The following ELAVL2 variants were observed in gnomAD, a reference collection of about 807,000 sequenced individuals.
ELAVL2 encodes ELAV-like protein 2.
A neutral mutation model predicts 34.6 loss-of-function variants in ELAVL2; 4 were observed. The ratio of observed to expected loss-of-function variants is 0.12; its 90% confidence interval spans 0.06 to 0.26. ELAVL2 has a LOEUF of 0.26. ELAVL2 is among the 10% of genes least tolerant of loss of function. The pLI, the probability that ELAVL2 is intolerant of heterozygous loss-of-function variation, is 1.00. For synonymous variants in ELAVL2, 193 were observed against 154.8 expected (o/e 1.25, Z -1.83); for missense variants, 432 against 442.8 (o/e 0.98, Z 0.22).
intron 1 of ELAVL2, among the ~76,000 whole-genome samples, chr9:23,768,073 T>G (rs1248554499): frequency 6.6e-6 from 1 of 152,164 alleles, no homozygotes; most frequent in Non-Finnish European, 1.5e-5. Context: ...CTCCTCATCC[T>G]AATCTACCTT....
chr9:23,815,028 C>T (rs1405060181), intron 1 of ELAVL2, among the ~76,000 whole-genome samples: 1 of 152,048 alleles, frequency 6.6e-6, no homozygotes, highest in Non-Finnish European at 1.5e-5. Context: ...GACAGGGCAT[C>T]CATCAATGAT....
At chr9:23,707,350 G>T (rs2039649942) in intron 3 of ELAVL2, among the ~76,000 whole-genome samples, 2 of 152,206 alleles carry the variant, frequency 1.3e-5, no homozygotes, top group Non-Finnish European at 2.9e-5. Context: ...AACCTCACCA[G>T]CTGGGACGTG....
intron 1 of ELAVL2, among the ~76,000 whole-genome samples, chr9:23,824,197 A>T (rs1446303244): frequency 6.6e-6 from 1 of 152,188 alleles, no homozygotes; most frequent in Non-Finnish European, 1.5e-5. Flanking sequence ...GCTAACCGGT[A>T]CTTGAAAATG....
chr9:23,695,691 G>A (rs1317586770), intron 5 of ELAVL2, among the ~76,000 whole-genome samples: 4 of 152,012 alleles, frequency 2.6e-5, no homozygotes, highest in Non-Finnish European at 4.4e-5. Flanking sequence ...GAATACTGTA[G>A]GTAATTCTAA....
chr9:23,699,748 C>CA (rs1200070462), intron 5 of ELAVL2, among the ~76,000 whole-genome samples: 1 of 148,748 alleles, frequency 6.7e-6, no homozygotes, highest in Non-Finnish European at 1.5e-5. Flanking sequence ...AAGCATCAGG[C>CA]AGCCCCACGC....
the ELAVL2 span, among the ~76,000 whole-genome samples, chr9:23,832,968 C>A: frequency 1.3e-5 from 2 of 151,930 alleles, no homozygotes; most frequent in Admixed American, 6.6e-5. Flanking sequence ...GGTTAGTAAG[C>A]AAATAAATAT....
intron 6 of ELAVL2, 80 bp downstream of exon 6, chr9:23,693,368 G>T: frequency 6.5e-7 from 1 of 1,540,790 alleles, no homozygotes; most frequent in Non-Finnish European, 8.9e-7. Flanking sequence ...CTTATGAGGG[G>T]TGTGAATAGC....
chr9:23,720,458 T>G (rs1468926980), intron 3 of ELAVL2, among the ~76,000 whole-genome samples: 2 of 152,146 alleles, frequency 1.3e-5, no homozygotes, highest in Admixed American at 1.3e-4. Flanking sequence ...TGAACCACTG[T>G]GCCTGGCCAA....
chr9:23,806,135 A>G (rs2062189129), intron 1 of ELAVL2, among the ~76,000 whole-genome samples: 1 of 152,220 alleles, frequency 6.6e-6, no homozygotes, highest in Non-Finnish European at 1.5e-5. Flanking sequence ...AGTGATATCT[A>G]AAAAACATAG....
intron 2 of ELAVL2, among the ~76,000 whole-genome samples, 165 bp from the exon 3 acceptor site, chr9:23,731,290 C>A (rs1436584168): frequency 6.6e-6 from 1 of 152,022 alleles, no homozygotes. Flanking sequence ...TTTATGTCTC[C>A]TGTCTACTAC....
chr9:23,831,905 G>T, the ELAVL2 span, among the ~76,000 whole-genome samples: 75 of 152,242 alleles, frequency 4.9e-4, no homozygotes, highest in African/African-American at 1.7e-3. Context: ...AAGTGGAAAA[G>T]GGACACAGCA....
chr9:23,755,976 C>T (rs1328496746), intron 2 of ELAVL2, among the ~76,000 whole-genome samples: 1 of 152,104 alleles, frequency 6.6e-6, no homozygotes, highest in Non-Finnish European at 1.5e-5. Flanking sequence ...TTTGTGTTCA[C>T]TGTGATTGAC....
intron 2 of ELAVL2, among the ~76,000 whole-genome samples, chr9:23,739,727 G>T (rs1383596889): frequency 6.6e-6 from 1 of 152,024 alleles, no homozygotes; most frequent in African/African-American, 2.4e-5. Context: ...GGCATCTGCT[G>T]TTGCTTGTGC....
At chr9:23,723,293 T>G (rs1474178378) in intron 3 of ELAVL2, among the ~76,000 whole-genome samples, 3 of 151,908 alleles carry the variant, frequency 2.0e-5, no homozygotes, top group African/African-American at 4.8e-5. Flanking sequence ...AAATTGGAAA[T>G]CATCATTCTC....
intron 2 of ELAVL2, among the ~76,000 whole-genome samples, chr9:23,745,912 T>C (rs2050369280): frequency 6.6e-6 from 1 of 152,178 alleles, no homozygotes; most frequent in Admixed American, 6.6e-5. Flanking sequence ...GCTGTGTGAA[T>C]GCTACTGCTA....
intron 3 of ELAVL2, among the ~76,000 whole-genome samples, chr9:23,713,677 A>C (rs1435629455): frequency 2.6e-5 from 4 of 152,162 alleles, no homozygotes; most frequent in Non-Finnish European, 5.9e-5. Flanking sequence ...ATAAATACTA[A>C]GTAATGTGAA....
intron 1 of ELAVL2, among the ~76,000 whole-genome samples, chr9:23,786,526 C>T (rs779206347): frequency 7.2e-5 from 11 of 151,856 alleles, no homozygotes; most frequent in Non-Finnish European, 1.5e-4. Flanking sequence ...AAAAATGCAG[C>T]TCAATAAAAA....
chr9:23,791,642 G>A (rs2137238387), intron 1 of ELAVL2, among the ~76,000 whole-genome samples: 1 of 152,180 alleles, frequency 6.6e-6, no homozygotes, highest in Admixed American at 6.5e-5. Context: ...CAATAGGATT[G>A]GTGTCCATAT....
In ELAVL2 at chr9:23,703,406, A is replaced by G. The variant is rs149547467; in HGVS notation, c.487+1512T>C. The stretch of plus-strand genomic sequence containing the variant: ...TGATAACAACACAGGGTGGCAATGT[A>G]TAAGTATTATGAATTAACTAACACA... On this transcript the variant is annotated intron_variant, in intron 4 of 6. Coordinates refer to ENST00000397312, the MANE Select transcript of ELAVL2 (RefSeq NM_004432.5). 1.1e-3 allele frequency among the ~76,000 whole-genome samples: 174 copies of G among 152,334 alleles called. 1 individual carries two copies. The East Asian group carries it at 0.026, about 22-fold the overall frequency.
Sources: gnomAD v4.1 joint callset for allele counts (sites outside exome capture counted in the v4.1 genomes callset) on GRCh38, gnomAD v4.1.1 for gene constraint, MANE v1.5 for transcripts, NCBI Gene and HGNC (gene_info 2026-07-23, HGNC 2026-07-21) for gene names.